The following ISOC2 variants were observed in gnomAD, a reference collection of about 807,000 sequenced individuals.
ISOC2 encodes isochorismatase domain-containing protein 2.
A neutral mutation model predicts 19.3 loss-of-function variants in ISOC2; 15 were observed. The observed-to-expected ratio is 0.78, with a 90% CI of 0.52 to 1.20. The LOEUF (loss-of-function observed/expected upper bound fraction) is 1.20, where lower values mean the gene tolerates loss of function less well. Among genes scored for constraint, ISOC2 ranks in the 50% most tolerant of loss-of-function variants. The pLI is 0.00. For missense variants in ISOC2, 285 were observed against 272.4 expected, an observed-to-expected ratio of 1.05 and a Z score of -0.33; for synonymous variants, 106 against 115.8, an observed-to-expected ratio of 0.92 and a Z score of 0.54.
intron 1 of ISOC2, among the ~76,000 whole-genome samples, chr19:55,458,717 G>A (rs1986144772): frequency 1.3e-5 from 2 of 151,720 alleles, no homozygotes; most frequent in Non-Finnish European, 2.9e-5. Context: ...TAGTAGAGAT[G>A]GGGTTTCACC....
At chr19:55,456,587 C>T (rs149822213) in intron 1 of ISOC2, 98 bp from the exon 2 acceptor site, 38 of 1,484,138 alleles carry the variant, frequency 2.6e-5, no homozygotes, top group Middle Eastern at 2.2e-4. Flanking sequence ...TGGCAGGGCC[C>T]GGGGCACCTT....
intron 1 of ISOC2, among the ~76,000 whole-genome samples, chr19:55,457,435 G>A (rs1324290769): frequency 2.0e-5 from 3 of 152,090 alleles, no homozygotes; most frequent in Admixed American, 6.5e-5. Flanking sequence ...TCGGGAGGCT[G>A]AGGCAGGAGA....
intron 1 of ISOC2, among the ~76,000 whole-genome samples, chr19:55,459,246 T>C (rs923080125): frequency 1.3e-5 from 2 of 152,224 alleles, no homozygotes; most frequent in African/African-American, 4.8e-5. Flanking sequence ...CTATTATTCT[T>C]TGAACATAAT....
chr19:55,455,774 G>A lies in ISOC2; in HGVS notation c.210C>T (p.Pro70=), dbSNP rs370367872. ...QYPQGLGPTV[P]ELGTEGLRPL... ...GCCGAAGGCCCTCAGTCCCCAGCTC[G>A]GGCACCGTGGGGCCCAGGCCTTGTG... The change falls in exon 3 of 6, where the codon CCC becomes CCT. Residue 70 remains proline (P), a synonymous_variant. Coordinates refer to ENST00000425675, the MANE Select transcript of ISOC2 (RefSeq NM_001136201.2). 186 of 1,572,650 alleles carry A rather than the reference G, an allele frequency of 1.2e-4. 1 individual carries two copies. The highest frequency in any genetic ancestry group is 5.3e-4 in the South Asian group (46 of 86,072).
chr19:55,455,619 G>A lies in ISOC2; in HGVS notation c.348+17C>T. On this transcript the variant is annotated intron_variant, in intron 3 of 5. Coordinates refer to ENST00000425675, the MANE Select transcript of ISOC2 (RefSeq NM_001136201.2). ...CAGGTTAGAACGAGGGACCCCTGGG[G>A]TCAGTCAGCATCTCACCAAGATGCA... is the stretch of plus-strand genomic sequence containing the variant. The A allele has an allele frequency of 6.4e-7, 1 of 1,564,458 alleles. No individual in the cohort carries two copies. Among genetic ancestry groups the A allele is most frequent in the Non-Finnish European group, 8.7e-7 (1 of 1,150,272 alleles).
chr19:55,453,341 G>A lies in ISOC2; in HGVS notation c.585C>T (p.Gly195=). 6.2e-7 allele frequency: 1 copy of A among 1,608,274 alleles called. No homozygotes were observed. Among genetic ancestry groups the A allele is most frequent in the South Asian group, 1.1e-5 (1 of 89,962 alleles). ...KEPAPDSGLL[G]LFQGQNSLLH is the part of the protein sequence containing the mutation. Reference sequence around the variant, plus strand: ...GGAGGGAGTTCTGGCCTTGGAAGAGGCCCAGCAGTCCGCTGTCTGGGGCGG... The same window carrying A: ...GGAGGGAGTTCTGGCCTTGGAAGAGACCCAGCAGTCCGCTGTCTGGGGCGG... The change falls in exon 6 of 6, where the codon GGC becomes GGT. Residue 195 remains glycine, a synonymous_variant. Coordinates refer to ENST00000425675, the MANE Select transcript of ISOC2 (RefSeq NM_001136201.2).
chr19:55,458,437 T>A (rs1195544972), intron 1 of ISOC2, among the ~76,000 whole-genome samples: 1 of 152,216 alleles, frequency 6.6e-6, no homozygotes, highest in East Asian at 1.9e-4. Context: ...ACCAGGGAAA[T>A]GGGAGACCCT....
chr19:55,457,618 C>T (rs1986102700), intron 1 of ISOC2, among the ~76,000 whole-genome samples: 1 of 151,870 alleles, frequency 6.6e-6, no homozygotes, highest in Non-Finnish European at 1.5e-5. Context: ...CATCTGAGGC[C>T]AGGGGTTTGA....
In ISOC2 at chr19:55,454,998, C is replaced by G; in HGVS notation, c.528G>C (p.Gln176His). Residue 176 changes from glutamine (Q) to histidine (H), a missense_variant, in exon 5 of 6, where the codon CAG (glutamine) becomes CAC (histidine). By Grantham distance (24) the Gln-to-His change is conservative (BLOSUM62 0). Transcript: ENST00000425675. Reference protein sequence around the residue: ...LQLVGDAVHPQFKEIQKLIKE... With the variant: ...LQLVGDAVHPHFKEIQKLIKE... ...GCCAGGCGGGCATTACCTCCTTGAA[C>G]TGGGGGTGGACGGCATCGCCCACAA... 6.2e-7 allele frequency: 1 copy of G among 1,612,686 alleles called. No individual in the cohort carries two copies. The highest frequency in any genetic ancestry group is 1.6e-4 in the Middle Eastern group (1 of 6,062).
intron 1 of ISOC2, among the ~76,000 whole-genome samples, chr19:55,460,898 G>C (rs1986214690): frequency 6.6e-6 from 1 of 152,166 alleles, no homozygotes; most frequent in Admixed American, 6.5e-5. Flanking sequence ...CAGCTGGGAC[G>C]GTGGGGAAAG....
intron 1 of ISOC2, chr19:55,460,097 C>T (rs1361148259): frequency 6.6e-6 from 1 of 152,192 alleles, no homozygotes; most frequent in Admixed American, 6.5e-5. Flanking sequence ...CAGGATTATT[C>T]ATTACAGGAC....
intron 1 of ISOC2, among the ~76,000 whole-genome samples, chr19:55,459,558 C>T (rs1446964389): frequency 6.6e-6 from 1 of 152,080 alleles, no homozygotes; most frequent in African/African-American, 2.4e-5. Flanking sequence ...TCAAACTGTC[C>T]CCTGACCCCC....
chr19:55,460,728 G>A (rs551351208), intron 1 of ISOC2, among the ~76,000 whole-genome samples: 1 of 152,338 alleles, frequency 6.6e-6, no homozygotes, highest in Admixed American at 6.5e-5. Context: ...CAAACCGTTC[G>A]ATTTTCTGCG....
At chr19:55,460,031 T>A (rs1986184673) in intron 1 of ISOC2, 1 of 152,216 alleles carries the variant, frequency 6.6e-6, no homozygotes, top group Admixed American at 6.5e-5. Context: ...ACAAACCCTC[T>A]GACCTCAAAA....
chr19:55,454,861 G>A (rs1033946027), intron 5 of ISOC2, 128 bp downstream of exon 5: 3 of 726,848 alleles, frequency 4.1e-6, no homozygotes, highest in African/African-American at 1.7e-5. Context: ...GTGACCAGCA[G>A]CCTCCCCTCC....
chr19:55,455,236 C>G (rs1384145514), intron 4 of ISOC2, 24 bp downstream of exon 4: 4 of 1,593,994 alleles, frequency 2.5e-6, no homozygotes, highest in East Asian at 2.3e-5. Context: ...CCACGTGCAC[C>G]CACCCAGGCA....
chr19:55,453,144 C>A lies in ISOC2; in HGVS notation c.*164G>T. On this transcript the variant is annotated 3_prime_UTR_variant, in exon 6 of 6. Coordinates refer to ENST00000425675, the MANE Select transcript of ISOC2 (RefSeq NM_001136201.2). ...GTTTCCAGGAGTCTCATTTGCATTT[C>A]CGGGAGCAGCTGTCCAATGGGAAGG... is the stretch of plus-strand genomic sequence containing the variant. The A allele has an allele frequency of 1.9e-6, 1 of 527,812 alleles. No individual in the cohort carries two copies. Among genetic ancestry groups the A allele is most frequent in the Non-Finnish European group, 3.4e-6 (1 of 296,174 alleles). 32.7% of individuals were successfully genotyped at this position (527,812 alleles called of 1,614,324 possible).
chr19:55,455,894 TGGGCCTGGACTCCTGGGTCTGAGGGA>T, intron 2 of ISOC2, 49 bp from the exon 3 acceptor site: 16 of 1,357,946 alleles, frequency 1.2e-5, no homozygotes, highest in African/African-American at 3.9e-5. Context: ...GAGGAGGGGC[TGGGCCTGGACTCCTGGGTCTGAGGGA>T]GGAGGGGCTG....
At chr19:55,455,509 G>T (rs1340339209) in intron 3 of ISOC2, 127 bp downstream of exon 3, 15 of 1,110,180 alleles carry the variant, frequency 1.4e-5, no homozygotes, top group Non-Finnish European at 2.0e-5. Context: ...CAGGTGAGGA[G>T]AGAGGGCCCA....
Sources: gnomAD v4.1 joint callset for allele counts (sites outside exome capture counted in the v4.1 genomes callset) on GRCh38, gnomAD v4.1.1 for gene constraint, MANE v1.5 for transcripts, NCBI Gene and HGNC (gene_info 2026-07-23, HGNC 2026-07-21) for gene names.